The following DNER variants were observed in gnomAD, a reference collection of about 807,000 sequenced individuals.
The protein encoded by DNER is delta/notch like EGF repeat containing, also known as delta and Notch-like epidermal growth factor-related receptor.
Under a neutral mutation model 78.2 loss-of-function variants are expected in DNER, and 33 were observed. The ratio of observed to expected loss-of-function variants is 0.42; its 90% CI spans 0.32 to 0.56. The LOEUF (loss-of-function observed/expected upper bound fraction) is 0.56, where lower values mean the gene tolerates loss of function less well. Among genes scored for constraint, DNER ranks in the 20% least tolerant of loss-of-function variants. DNER has a pLI of 0.11. For synonymous variants in DNER, 417 were observed against 384.8 expected, an observed-to-expected ratio of 1.08 and a Z score of -0.98; for missense variants, 918 against 975.3, an observed-to-expected ratio of 0.94 and a Z score of 0.78.
intron 8 of DNER, among the ~76,000 whole-genome samples, chr2:229,418,742 A>G (rs1366597839): frequency 6.6e-6 from 1 of 151,896 alleles, no homozygotes; most frequent in Admixed American, 6.6e-5. Context: ...CAACATGGTG[A>G]AACTCTGTCT....
intron 9 of DNER, among the ~76,000 whole-genome samples, chr2:229,414,380 C>T (rs1237131655): frequency 6.6e-6 from 1 of 152,106 alleles, no homozygotes; most frequent in East Asian, 1.9e-4. Context: ...AGTTCCCGTG[C>T]CTCAGCCTCC....
intron 1 of DNER, among the ~76,000 whole-genome samples, chr2:229,669,499 T>G (rs947723020): frequency 2.6e-5 from 4 of 152,100 alleles, no homozygotes; most frequent in African/African-American, 9.7e-5. Flanking sequence ...GTAAGTTACT[T>G]TGGGCATACG....
chr2:229,701,929 G>A (rs1395342026), intron 1 of DNER: 1 of 163,154 alleles, frequency 6.1e-6, no homozygotes, highest in African/African-American at 2.4e-5. Flanking sequence ...TAGCCCCAAT[G>A]GCATGCGGGC....
chr2:229,436,163 G>A (rs1301294892), intron 8 of DNER, among the ~76,000 whole-genome samples: 1 of 152,002 alleles, frequency 6.6e-6, no homozygotes. Context: ...ATATGTACTC[G>A]AAGTTTAGCT....
intron 1 of DNER, among the ~76,000 whole-genome samples, chr2:229,675,285 G>A (rs1312099946): frequency 2.0e-5 from 3 of 152,242 alleles, no homozygotes. Flanking sequence ...TGCCGATGAT[G>A]TCAGGATGAA....
intron 10 of DNER, among the ~76,000 whole-genome samples, chr2:229,396,368 G>T (rs1559340437): frequency 6.6e-6 from 1 of 152,152 alleles, no homozygotes; most frequent in Admixed American, 6.5e-5. Flanking sequence ...AAGAGTTAAA[G>T]AGTTAAAATA....
At chr2:229,549,586 A>G (rs1219630070) in intron 4 of DNER, among the ~76,000 whole-genome samples, 2 of 152,174 alleles carry the variant, frequency 1.3e-5, no homozygotes, top group South Asian at 4.1e-4. Context: ...AGCATGAGCC[A>G]CCACATCCAG....
chr2:229,473,667 G>A (rs909224813), intron 7 of DNER, among the ~76,000 whole-genome samples: 6 of 152,218 alleles, frequency 3.9e-5, no homozygotes, highest in Non-Finnish European at 8.8e-5. Flanking sequence ...TAGGAAAGGT[G>A]TTGGAATTAG....
intron 7 of DNER, among the ~76,000 whole-genome samples, chr2:229,462,513 A>C (rs1694724103): frequency 6.6e-6 from 1 of 151,990 alleles, no homozygotes; most frequent in Non-Finnish European, 1.5e-5. Flanking sequence ...TCTTATAGAC[A>C]CTATCTCCAA....
At chr2:229,651,876 T>C (rs558717925) in intron 1 of DNER, among the ~76,000 whole-genome samples, 1 of 152,162 alleles carries the variant, frequency 6.6e-6, no homozygotes, top group African/African-American at 2.4e-5. Flanking sequence ...CAACCACAAC[T>C]CTTTTAAGAT....
intron 4 of DNER, among the ~76,000 whole-genome samples, chr2:229,561,935 G>A (rs1696966460): frequency 6.6e-6 from 1 of 152,110 alleles, no homozygotes; most frequent in Non-Finnish European, 1.5e-5. Context: ...TACAAGGACC[G>A]AGCACGCGCC....
At chr2:229,598,021 G>A (rs1697753989) in intron 1 of DNER, among the ~76,000 whole-genome samples, 1 of 152,076 alleles carries the variant, frequency 6.6e-6, no homozygotes, top group Non-Finnish European at 1.5e-5. Context: ...TAAATTCTCT[G>A]CTACCCATGT....
chr2:229,463,171 A>C (rs1694737774), intron 7 of DNER, among the ~76,000 whole-genome samples: 3 of 152,030 alleles, frequency 2.0e-5, no homozygotes, highest in Admixed American at 2.0e-4. Flanking sequence ...TCCTCTCACC[A>C]TTGTGCCTTG....
chr2:229,421,315 T>C (rs988489875), intron 8 of DNER, among the ~76,000 whole-genome samples: 13 of 152,134 alleles, frequency 8.5e-5, no homozygotes, highest in African/African-American at 3.1e-4. Context: ...TGCAAGATGT[T>C]ATGCAAGATG....
intron 11 of DNER, among the ~76,000 whole-genome samples, chr2:229,376,349 A>G (rs1692600613): frequency 6.6e-6 from 1 of 152,094 alleles, no homozygotes; most frequent in Non-Finnish European, 1.5e-5. Flanking sequence ...AGAAGGCCCT[A>G]TCTATGAGGA....
At chr2:229,578,403 T>G (rs891423142) in intron 4 of DNER, among the ~76,000 whole-genome samples, 1 of 152,184 alleles carries the variant, frequency 6.6e-6, no homozygotes, top group African/African-American at 2.4e-5. Context: ...TGGATTCCTT[T>G]TAATTCCTGA....
At chr2:229,713,957 GC>G (rs1383741576) in intron 1 of DNER, among the ~76,000 whole-genome samples, 190 bp downstream of exon 1, 2 of 152,176 alleles carry the variant, frequency 1.3e-5, no homozygotes, top group Non-Finnish European at 2.9e-5. Context: ...GGGAACCAGG[GC>G]GGGTAAGGGA....
chr2:229,505,776 T>C (rs1245601459), intron 6 of DNER, among the ~76,000 whole-genome samples: 5 of 152,336 alleles, frequency 3.3e-5, no homozygotes, highest in South Asian at 4.1e-4. Context: ...TAAATGTCAA[T>C]GTAAAAAGAT....
intron 10 of DNER, among the ~76,000 whole-genome samples, chr2:229,390,477 T>G (rs1692989812): frequency 6.6e-6 from 1 of 152,234 alleles, no homozygotes; most frequent in Non-Finnish European, 1.5e-5. Context: ...ATTAAATCAC[T>G]TGGATCACTA....
Sources: allele counts gnomAD v4.1 joint callset (sites outside exome capture counted in the v4.1 genomes callset), GRCh38; gene constraint gnomAD v4.1.1; transcripts MANE v1.5; gene names NCBI Gene and HGNC (gene_info 2026-07-23, HGNC 2026-07-21).